Variants in CNTN2 observed in about 807,000 individuals in gnomAD.
CNTN2 encodes contactin-2.
Under a neutral mutation model 117.5 loss-of-function variants are expected in CNTN2, and 53 were observed. The ratio of observed to expected loss-of-function variants is 0.45; its 90% CI spans 0.36 to 0.57. The LOEUF (loss-of-function observed/expected upper bound fraction) is 0.57. Among genes scored for constraint, CNTN2 ranks in the 20% least tolerant of loss-of-function variants. CNTN2 has a pLI of 0.00. For missense variants in CNTN2, 1,106 were observed against 1,404.3 expected, an observed-to-expected ratio of 0.79 and a Z score of 3.39; for synonymous variants, 530 against 561.7, an observed-to-expected ratio of 0.94 and a Z score of 0.80.
In CNTN2 at chr1:205,073,246, C is replaced by A; in HGVS notation, c.3013+10C>A. Reference sequence around the variant, plus strand: ...ATCGTGAGGAATGGAGGTGCTGCTCCTCCCCTACCCTTATCCCCTCGAGAG... The same window carrying A: ...ATCGTGAGGAATGGAGGTGCTGCTCATCCCCTACCCTTATCCCCTCGAGAG... On this transcript the variant is annotated intron_variant, in intron 22 of 22. Transcript: ENST00000331830. The surrounding 1 kb of genome is among the most constrained non-coding windows in gnomAD (Gnocchi z 6.3). The A allele has an allele frequency of 6.2e-7, 1 of 1,613,354 alleles. No individual in the cohort carries two copies. The highest frequency in any genetic ancestry group is 1.1e-5 in the South Asian group (1 of 91,050).
chr1:205,067,914 C>A (rs1301018111), intron 16 of CNTN2: 1 of 108,932 alleles, frequency 9.2e-6, no homozygotes, highest in Non-Finnish European at 1.7e-5. Context: ...GGCGACAGAG[C>A]GAGACTCCAT....
At chr1:205,054,622 G>T (rs2096458149) in intron 2 of CNTN2, among the ~76,000 whole-genome samples, 1 of 152,176 alleles carries the variant, frequency 6.6e-6, no homozygotes, top group Non-Finnish European at 1.5e-5. Context: ...AAGTTCCTTA[G>T]ACCCAGAGAC....
At position 205,077,832 on chromosome 1, in the gene CNTN2, C is replaced by T. The variant is rs1240014965; in HGVS notation, c.*4067C>T. 6.6e-6 allele frequency: 1 copy of T among 152,248 alleles called. No homozygotes were observed. Among genetic ancestry groups the T allele is most frequent in the Non-Finnish European group, 1.5e-5 (1 of 68,082 alleles). The allele number at this position is 152,248 out of a possible 1,614,324, so 9.4% of individuals were successfully genotyped here. A position where few individuals can be genotyped will look rare whatever the true frequency, so the allele number is the denominator to read the frequency against. On this transcript the variant is annotated 3_prime_UTR_variant, in exon 23 of 23. Coordinates refer to ENST00000331830, the MANE Select transcript of CNTN2 (RefSeq NM_005076.5). ...AGGGCCTGCACAGCTTAGAGAGGCTCACAGCTTGGCAAATGCTAGGGCTTC... is the reference window on the plus strand; with the variant it reads ...AGGGCCTGCACAGCTTAGAGAGGCTTACAGCTTGGCAAATGCTAGGGCTTC...
intron 19 of CNTN2, among the ~76,000 whole-genome samples, chr1:205,071,234 C>T (rs1230376439): frequency 1.3e-5 from 2 of 152,236 alleles, no homozygotes; most frequent in East Asian, 1.9e-4. Flanking sequence ...CATCCTGTCC[C>T]GGGGGAATCT....
chr1:205,057,327 T>C (rs1653698336), intron 2 of CNTN2: 1 of 152,306 alleles, frequency 6.6e-6, no homozygotes, highest in Non-Finnish European at 1.5e-5. Flanking sequence ...GTAAGGGTAT[T>C]AGGCTCCAGG....
chr1:205,055,554 A>T (rs2096459656), intron 2 of CNTN2, among the ~76,000 whole-genome samples: 1 of 152,152 alleles, frequency 6.6e-6, no homozygotes, highest in African/African-American at 2.4e-5. Flanking sequence ...GCCCAGGGGC[A>T]TTTTCTAAGA....
intron 9 of CNTN2, 81 bp downstream of exon 9, chr1:205,062,082 T>G: frequency 6.6e-7 from 1 of 1,523,746 alleles, no homozygotes; most frequent in Non-Finnish European, 8.8e-7. Context: ...GAACTTCCCC[T>G]GCACCACTAG....
intron 15 of CNTN2, 52 bp from the exon 16 acceptor site, chr1:205,067,049 C>T: frequency 1.3e-6 from 2 of 1,562,846 alleles, no homozygotes; most frequent in Non-Finnish European, 1.7e-6. Flanking sequence ...CTGCCCTCTG[C>T]ACCCAGATGA....
At chr1:205,057,060 T>C (rs1653667808) in intron 2 of CNTN2, 1 of 152,258 alleles carries the variant, frequency 6.6e-6, no homozygotes, top group African/African-American at 2.4e-5. Context: ...CATAAGGCAA[T>C]CCTTCTCCTC....
In CNTN2 at chr1:205,058,554, G is replaced by T. The variant is rs148381903; in HGVS notation, c.392-14G>T. 6.2e-6 allele frequency: 10 copies of T among 1,613,020 alleles called. No homozygotes were observed. In the African/African-American group the frequency reaches 1.2e-4, roughly 19 times the overall value. On this transcript the variant is annotated splice_polypyrimidine_tract_variant and intron_variant, in intron 4 of 22. Transcript: ENST00000331830. The surrounding 1 kb of genome is among the most constrained non-coding windows in gnomAD (Gnocchi z 4.3). Reference sequence around the variant, plus strand: ...CAGGAGGACAGTGCCTGAGCCCCTGGTCTCTGCCTCCAGTTCTGCAGGAAT... The same window carrying T: ...CAGGAGGACAGTGCCTGAGCCCCTGTTCTCTGCCTCCAGTTCTGCAGGAAT...
Position 205,064,740 on chromosome 1 carries a change from A to T in CNTN2, c.1509A>T (p.Leu503=). ...FMGKANSTGI[L]SVRDATKITL... is the part of the protein sequence containing the mutation. ...GCAAAGCCAACAGCACTGGAATCCT[A>T]TCTGTGCGAGGTGAGGGCTGCCATG... The change falls in exon 12 of 23, where the codon CTA becomes CTT. Residue 503 remains leucine, a synonymous_variant. Transcript: ENST00000331830. 6.2e-7 allele frequency: 1 copy of T among 1,613,922 alleles called. No homozygotes were observed. The highest frequency in any genetic ancestry group is 8.5e-7 in the Non-Finnish European group (1 of 1,179,972).
In CNTN2 at chr1:205,076,647, C is replaced by A. The variant is rs1237818895; in HGVS notation, c.*2882C>A. 1 of 152,186 alleles carries A rather than the reference C, an allele frequency of 6.6e-6. No homozygotes were observed. Among genetic ancestry groups the A allele is most frequent in the East Asian group, 1.9e-4 (1 of 5,174 alleles). The allele number at this position is 152,186 out of a possible 1,614,324, so 9.4% of individuals were successfully genotyped here. On this transcript the variant is annotated 3_prime_UTR_variant, in exon 23 of 23. Transcript: ENST00000331830. ...TAGGAAAAGGAACCAACTGTAGGCA[C>A]CTCTCCAGGGCCTAGGGAGACAAGT...
At chr1:205,044,716 G>T (rs2096438354) in intron 1 of CNTN2, among the ~76,000 whole-genome samples, 1 of 152,222 alleles carries the variant, frequency 6.6e-6, no homozygotes, top group Non-Finnish European at 1.5e-5. Flanking sequence ...GTCCCACTCA[G>T]AGGGGCCGGA....
intron 1 of CNTN2, among the ~76,000 whole-genome samples, chr1:205,049,677 C>A (rs545468225): frequency 6.6e-6 from 1 of 152,206 alleles, no homozygotes; most frequent in African/African-American, 2.4e-5. Flanking sequence ...CCCCAGTGAG[C>A]TCCCGGGCCT....
chr1:205,062,667 C>T (rs1239769259), intron 10 of CNTN2, 98 bp downstream of exon 10: 4 of 1,364,540 alleles, frequency 2.9e-6, no homozygotes, highest in Non-Finnish European at 3.9e-6. Flanking sequence ...ATGCACATAC[C>T]CTGTGGCCAT....
intron 21 of CNTN2, 176 bp from the exon 22 acceptor site, chr1:205,072,892 T>C (rs1346467210): frequency 1.4e-6 from 1 of 695,146 alleles, no homozygotes; most frequent in African/African-American, 1.8e-5. Context: ...AACAGTTCAG[T>C]GGCCTGCAAG....
chr1:205,058,954 T>C lies in CNTN2; in HGVS notation c.488-130T>C. On this transcript the variant is annotated intron_variant, in intron 5 of 22. Coordinates refer to ENST00000331830, the MANE Select transcript of CNTN2 (RefSeq NM_005076.5). The surrounding 1 kb of genome is among the most constrained non-coding windows in gnomAD (Gnocchi z 4.3). ...CACTTCTTCCCTCTAGGTCTCCCCT[T>C]AGCCCCAGTTCAGAGCATGGTGGCT... 2 of 825,484 alleles carry C rather than the reference T, an allele frequency of 2.4e-6. No individual in the cohort carries two copies. Among genetic ancestry groups the C allele is most frequent in the Non-Finnish European group, 3.9e-6 (2 of 510,638 alleles). 51.1% of individuals were successfully genotyped at this position (825,484 alleles called of 1,614,324 possible).
chr1:205,064,620 C>A lies in CNTN2; in HGVS notation c.1392-3C>A. On this transcript the variant is annotated splice_region_variant and splice_polypyrimidine_tract_variant and intron_variant, in intron 11 of 22. Transcript: ENST00000331830. The stretch of plus-strand genomic sequence containing the variant: ...GGCCACATCTGCCTTGTCCTTGCCA[C>A]AGAGTGACTGTAACTCCAGATGGCA... The A allele has an allele frequency of 6.2e-7, 1 of 1,614,012 alleles. No individual in the cohort carries two copies. Among genetic ancestry groups the A allele is most frequent in the South Asian group, 1.1e-5 (1 of 91,058 alleles).
chr1:205,059,988 T>G lies in CNTN2; in HGVS notation c.797+306T>G. On this transcript the variant is annotated intron_variant, in intron 7 of 22. Coordinates refer to ENST00000331830, the MANE Select transcript of CNTN2 (RefSeq NM_005076.5). The surrounding 1 kb of genome is among the most constrained non-coding windows in gnomAD (Gnocchi z 5.6). ...CAGCACAGTGTACAGACTCCAACCC[T>G]GTCTGTCTCATTCAGATCCCAGCTC... The G allele has an allele frequency of 5.5e-6, 2 of 365,878 alleles. No individual in the cohort carries two copies. The highest frequency in any genetic ancestry group is 1.0e-5 in the Non-Finnish European group (2 of 197,434). The allele number at this position is 365,878 out of a possible 1,614,324, so 22.7% of individuals were successfully genotyped here. A position where few individuals can be genotyped will look rare whatever the true frequency, so the allele number is the denominator to read the frequency against.
Sources: gnomAD v4.1 joint callset for allele counts (sites outside exome capture counted in the v4.1 genomes callset) on GRCh38, gnomAD v4.1.1 for gene constraint, Gnocchi (gnomAD v3.1) non-coding constraint, MANE v1.5 for transcripts, NCBI Gene and HGNC (gene_info 2026-07-23, HGNC 2026-07-21) for gene names.